Variants in LAMB1 observed in about 807,000 individuals in gnomAD.
The protein encoded by LAMB1 is laminin subunit beta-1.
A neutral mutation model predicts 222.3 loss-of-function variants in LAMB1; 121 were observed. The observed-to-expected ratio is 0.54, with a 90% CI of 0.47 to 0.63. The LOEUF (loss-of-function observed/expected upper bound fraction) is 0.63, where lower values mean the gene tolerates loss of function less well. Ranked by LOEUF, LAMB1 falls within the 30% of genes least tolerant of loss-of-function variation. The probability of loss-of-function intolerance (pLI) is 0.00; values close to 1 mark genes in which losing one functional copy is unlikely to be tolerated. For missense variants in LAMB1, 2,172 were observed against 2,240.8 expected (o/e 0.97, Z 0.62); for synonymous variants, 794 against 807.2 (o/e 0.98, Z 0.28).
chr7:107,970,251 C>A (rs1000755259), intron 13 of LAMB1, among the ~76,000 whole-genome samples: 5 of 152,108 alleles, frequency 3.3e-5, no homozygotes, highest in African/African-American at 7.2e-5. Flanking sequence ...CATTGGGAGC[C>A]TGAGGCAGAC....
Position 107,961,655 on chromosome 7 carries a change from C to T in LAMB1, c.1879G>A (p.Ala627Thr), listed in dbSNP as rs368538700. 1 of 1,613,752 alleles carries T rather than the reference C, an allele frequency of 6.2e-7. No individual in the cohort carries two copies. Among genetic ancestry groups the T allele is most frequent in the Middle Eastern group, 1.7e-4 (1 of 6,056 alleles). ...CCAGGTCGCTGCACTGTGATGACAGCTTTTTCCCAGTGGTCGGGTAGCTAG... is the reference window on the plus strand; with the variant it reads ...CCAGGTCGCTGCACTGTGATGACAGTTTTTTCCCAGTGGTCGGGTAGCTAG... ...EPQLPDHWEK[A>T]VITVQRPGRI... The change falls in exon 16 of 34, where the codon GCT becomes ACT. Residue 627 changes from alanine (A) to threonine (T), a missense_variant. Physicochemically the swap from Ala to Thr is moderately conservative, Grantham distance 58. Transcript: ENST00000222399.
In LAMB1 at chr7:107,961,537, C is replaced by CG. The variant is rs1562991136; in HGVS notation, c.1985+11dup. 6.2e-7 allele frequency: 1 copy of CG among 1,609,136 alleles called. No homozygotes were observed. Among genetic ancestry groups the CG allele is most frequent in the South Asian group, 1.1e-5 (1 of 90,822 alleles). On this transcript the variant is annotated intron_variant, in intron 16 of 33. Coordinates refer to ENST00000222399, the MANE Select transcript of LAMB1 (RefSeq NM_002291.3). Reference sequence around the variant, plus strand: ...GAAGCCCGTTGAGCTGCCAAACCACCGTCACACTGACCTTGAGCCTGGTGA... The same window carrying CG: ...GAAGCCCGTTGAGCTGCCAAACCACCGGTCACACTGACCTTGAGCCTGGTGA...
In LAMB1 at chr7:107,923,873, T is replaced by G; in HGVS notation, c.*78A>C. 1 of 1,302,362 alleles carries G rather than the reference T, an allele frequency of 7.7e-7. No homozygotes were observed. The highest frequency in any genetic ancestry group is 2.4e-5 in the East Asian group (1 of 41,282). 80.7% of individuals were successfully genotyped at this position (1,302,362 alleles called of 1,614,324 possible). A position where few individuals can be genotyped will look rare whatever the true frequency, so the allele number is the denominator to read the frequency against. On this transcript the variant is annotated 3_prime_UTR_variant, in exon 34 of 34. Coordinates refer to ENST00000222399, the MANE Select transcript of LAMB1 (RefSeq NM_002291.3). ...AAAACATTAAATAGGTGATGTTTTA[T>G]TTTGAAGAGCATTAAGTCAGTTTTT...
At chr7:107,993,024 A>G (rs2034214877) in intron 5 of LAMB1, among the ~76,000 whole-genome samples, 1 of 152,182 alleles carries the variant, frequency 6.6e-6, no homozygotes. Flanking sequence ...GCCAAGAAGG[A>G]GCAGGCAGGG....
At position 107,923,854 on chromosome 7, in the gene LAMB1, TTAAA is replaced by T; in HGVS notation, c.*93_*96del. On this transcript the variant is annotated 3_prime_UTR_variant, in exon 34 of 34. Coordinates refer to ENST00000222399, the MANE Select transcript of LAMB1 (RefSeq NM_002291.3). The stretch of plus-strand genomic sequence containing the variant: ...TCCATACAAAATGTGATTAAAAACA[TTAAA>T]TAGGTGATGTTTTATTTTGAAGAGC... The T allele has an allele frequency of 1.2e-5, 14 of 1,134,316 alleles. No individual in the cohort carries two copies. The highest frequency in any genetic ancestry group is 1.5e-5 in the Non-Finnish European group (12 of 794,460). The allele number at this position is 1,134,316 out of a possible 1,614,324, so 70.3% of individuals were successfully genotyped here.
chr7:107,974,979 T>G lies in LAMB1; in HGVS notation c.1482+7A>C. ...CCACCCATCCCACGTAATGAGGATT[T>G]ACTTACCAGGCACTGGTCACAATGC... On this transcript the variant is annotated splice_region_variant and intron_variant, in intron 12 of 33. Coordinates refer to ENST00000222399, the MANE Select transcript of LAMB1 (RefSeq NM_002291.3). 6.6e-7 allele frequency: 1 copy of G among 1,524,542 alleles called. No homozygotes were observed. 94.4% of individuals were successfully genotyped at this position (1,524,542 alleles called of 1,614,324 possible).
intron 5 of LAMB1, among the ~76,000 whole-genome samples, chr7:107,993,699 G>A (rs1004735395): frequency 1.9e-4 from 29 of 152,178 alleles, no homozygotes; most frequent in African/African-American, 7.0e-4. Context: ...TAACATAAAG[G>A]TAACATCCTT....
chr7:107,930,766 C>T (rs910094491), intron 29 of LAMB1, among the ~76,000 whole-genome samples: 1 of 152,204 alleles, frequency 6.6e-6, no homozygotes, highest in African/African-American at 2.4e-5. Flanking sequence ...GAGGACAAAG[C>T]TGATATGCTT....
intron 23 of LAMB1, among the ~76,000 whole-genome samples, chr7:107,951,546 ATTAT>A (rs1207355734): frequency 2.0e-5 from 3 of 152,114 alleles, no homozygotes; most frequent in Non-Finnish European, 4.4e-5. Flanking sequence ...GTGGCATGTT[ATTAT>A]TTATTTACAT....
chr7:107,958,286 T>A (rs2033419356), intron 20 of LAMB1, among the ~76,000 whole-genome samples: 1 of 152,216 alleles, frequency 6.6e-6, no homozygotes, highest in South Asian at 2.1e-4. Context: ...TTGGAAGGGA[T>A]AATTTTTATT....
At chr7:108,001,378 G>A (rs2034379251) in intron 3 of LAMB1, among the ~76,000 whole-genome samples, 180 bp downstream of exon 3, 2 of 152,216 alleles carry the variant, frequency 1.3e-5, no homozygotes, top group Non-Finnish European at 2.9e-5. Flanking sequence ...TGTGGCGGAT[G>A]CAACTGTGCA....
intron 13 of LAMB1, among the ~76,000 whole-genome samples, chr7:107,971,643 C>A (rs2033750999): frequency 1.3e-5 from 2 of 152,198 alleles, no homozygotes; most frequent in South Asian, 4.1e-4. Context: ...CAGATGATTA[C>A]CTGCTTTAAA....
chr7:107,964,050 T>C (rs143695344), intron 14 of LAMB1, among the ~76,000 whole-genome samples: 9,222 of 152,188 alleles, frequency 0.061, 284 homozygotes, highest in Admixed American at 0.069. Context: ...TGAGCTGAGA[T>C]AGTGCCACTG....
intron 7 of LAMB1, among the ~76,000 whole-genome samples, chr7:107,981,456 A>G (rs2150443495): frequency 6.6e-6 from 1 of 152,176 alleles, no homozygotes; most frequent in South Asian, 2.1e-4. Flanking sequence ...AAAAAAAAAA[A>G]AAAAAAATTA....
intron 7 of LAMB1, among the ~76,000 whole-genome samples, chr7:107,983,547 CTTTTT>C (rs11458116): frequency 9.0e-6 from 1 of 111,138 alleles, no homozygotes; most frequent in Non-Finnish European, 1.8e-5. Flanking sequence ...CTCCAAAGCC[CTTTTT>C]TTTTTTTTTT....
At position 107,960,589 on chromosome 7, in the gene LAMB1, C is replaced by G. The variant is rs754823564; in HGVS notation, c.2170G>C (p.Gly724Arg). 1.2e-6 allele frequency: 2 copies of G among 1,614,192 alleles called. No homozygotes were observed. The highest frequency in any genetic ancestry group is 2.2e-5 in the South Asian group (2 of 91,086). ...TCCCAGGCACTGTTGGTGACCACCC[C>G]ATCTCCTGAACCTCCCACGGTGAAG... Reference protein sequence around the residue: ...DIFTVGGSGDGVVTNSAWETF... With the variant: ...DIFTVGGSGDRVVTNSAWETF... The change falls in exon 18 of 34, where the codon GGG (glycine) becomes CGG (arginine). Residue 724 changes from glycine (G) to arginine (R), a missense_variant. By Grantham distance (125) the Gly-to-Arg change is moderately radical. Transcript: ENST00000222399.
Position 107,947,920 on chromosome 7 carries a change from G to A in LAMB1, c.3391+3306C>T, listed in dbSNP as rs147020972. On this transcript the variant is annotated intron_variant, in intron 24 of 33. Transcript: ENST00000222399. ...CAGCTCAGCCACTGTGGGCACAAAG[G>A]AGAGACAGTATCTACTTTAACACCC... 3.8e-3 allele frequency among the ~76,000 whole-genome samples: 572 copies of A among 151,656 alleles called. 2 individuals are homozygous for A. Among genetic ancestry groups the A allele is most frequent in the Non-Finnish European group, 6.4e-3 (438 of 67,992 alleles).
chr7:107,927,661 A>C (rs891696156), intron 31 of LAMB1, among the ~76,000 whole-genome samples: 6 of 152,330 alleles, frequency 3.9e-5, no homozygotes, highest in African/African-American at 1.4e-4. Flanking sequence ...ATATTCACTA[A>C]AATATTAACA....
intron 11 of LAMB1, 60 bp from the exon 12 acceptor site, chr7:107,975,158 T>G: frequency 7.1e-6 from 11 of 1,558,742 alleles, no homozygotes; most frequent in Non-Finnish European, 9.7e-6. Context: ...AATAATAATC[T>G]GGCTTTGGAA....
Sources: allele counts gnomAD v4.1 joint callset (sites outside exome capture counted in the v4.1 genomes callset), GRCh38; gene constraint gnomAD v4.1.1; transcripts MANE v1.5; gene names NCBI Gene and HGNC (gene_info 2026-07-23, HGNC 2026-07-21).